The following PLCB1 variants were observed in gnomAD, a reference collection of about 807,000 sequenced individuals.
The protein encoded by PLCB1 is phospholipase C beta 1.
In PLCB1, 46 loss-of-function variants were observed where a neutral mutation model predicts 161.8. That is an observed-to-expected ratio of 0.28 (90% CI 0.22 to 0.36). The LOEUF (loss-of-function observed/expected upper bound fraction) is 0.36. Ranked by LOEUF, PLCB1 falls within the 10% of genes least tolerant of loss-of-function variation. The pLI is 1.00. For synonymous variants in PLCB1, 517 were observed against 503.7 expected (o/e 1.03, Z -0.35); for missense variants, 1,016 against 1,472.5 (o/e 0.69, Z 5.07).
In PLCB1 at chr20:8,482,092, A is replaced by ATTTTTTTTTTTTTTTT. The variant is rs199634903; in HGVS notation, c.246+110657_246+110672dup. Among the ~76,000 whole-genome samples, 30 of 104,882 alleles carry ATTTTTTTTTTTTTTTT rather than the reference A, an allele frequency of 2.9e-4. 2 individuals are homozygous for ATTTTTTTTTTTTTTTT. The highest frequency in any genetic ancestry group is 3.6e-4 in the Non-Finnish European group (20 of 55,020). The allele number at this position is 104,882 out of a possible 152,430, so 68.8% of individuals were successfully genotyped here. ...TTCAATTTATTTTGTGCTTGAAGGA[A>ATTTTTTTTTTTTTTTT]TTTTTTTTTTTTTTTTTTTTTTTTT... On this transcript the variant is annotated intron_variant, in intron 3 of 31. Transcript: ENST00000338037.
At chr20:8,251,024 G>C (rs984051261) in intron 2 of PLCB1, among the ~76,000 whole-genome samples, 4 of 151,968 alleles carry the variant, frequency 2.6e-5, no homozygotes, top group African/African-American at 9.7e-5. Context: ...ATTGCTTACA[G>C]TTCTAGAAGC....
intron 2 of PLCB1, among the ~76,000 whole-genome samples, chr20:8,209,052 G>A (rs2123140573): frequency 6.6e-6 from 1 of 152,226 alleles, no homozygotes; most frequent in East Asian, 1.9e-4. Context: ...TCTTTGAAGA[G>A]GATGATTAAT....
At chr20:8,144,666 C>G (rs1298184493) in intron 1 of PLCB1, among the ~76,000 whole-genome samples, 1 of 152,188 alleles carries the variant, frequency 6.6e-6, no homozygotes, top group African/African-American at 2.4e-5. Flanking sequence ...GGCTGTATTG[C>G]TCATGTTTAG....
At chr20:8,632,003 C>T (rs1600209646) in intron 4 of PLCB1, among the ~76,000 whole-genome samples, 1 of 141,142 alleles carries the variant, frequency 7.1e-6, no homozygotes, top group Non-Finnish European at 1.5e-5. Flanking sequence ...TGAGAAATTA[C>T]TCCTGGAGGA....
At chr20:8,310,258 A>G (rs73895785) in intron 2 of PLCB1, among the ~76,000 whole-genome samples, 4,820 of 152,294 alleles carry the variant, frequency 0.032, 249 homozygotes, top group African/African-American at 0.11. Context: ...TCAGCTTTCT[A>G]ATCAATTTGA....
At chr20:8,833,800 C>T (rs776727673) in intron 31 of PLCB1, among the ~76,000 whole-genome samples, 6 of 152,328 alleles carry the variant, frequency 3.9e-5, no homozygotes, top group African/African-American at 9.6e-5. Flanking sequence ...ACGCTAACAA[C>T]GAATTCTGTT....
intron 2 of PLCB1, among the ~76,000 whole-genome samples, chr20:8,221,668 T>G (rs1003873320): frequency 6.6e-6 from 1 of 152,146 alleles, no homozygotes; most frequent in Non-Finnish European, 1.5e-5. Flanking sequence ...CCCCCATCAA[T>G]AAATAATTCT....
At chr20:8,626,836 A>C (rs1470423070) in intron 3 of PLCB1, among the ~76,000 whole-genome samples, 1 of 152,236 alleles carries the variant, frequency 6.6e-6, no homozygotes, top group Non-Finnish European at 1.5e-5. Context: ...TGATGCAATT[A>C]ATCAATTCAT....
intron 2 of PLCB1, among the ~76,000 whole-genome samples, chr20:8,246,167 T>C (rs1468785405): frequency 6.6e-6 from 1 of 151,962 alleles, no homozygotes; most frequent in Non-Finnish European, 1.5e-5. Context: ...GATAGCTATT[T>C]TTGTGCAAAA....
chr20:8,417,016 T>C (rs1390576530), intron 3 of PLCB1, among the ~76,000 whole-genome samples: 1 of 130,404 alleles, frequency 7.7e-6, no homozygotes, highest in Non-Finnish European at 1.6e-5. Context: ...TTTAAATACA[T>C]ATATGTGTAT....
At chr20:8,577,302 G>T (rs1360718708) in intron 3 of PLCB1, among the ~76,000 whole-genome samples, 2 of 151,478 alleles carry the variant, frequency 1.3e-5, no homozygotes, top group African/African-American at 4.8e-5. Context: ...GCTGGGCGTG[G>T]TGGCGGGCAC....
chr20:8,240,485 A>G (rs1452017174), intron 2 of PLCB1, among the ~76,000 whole-genome samples: 1 of 151,908 alleles, frequency 6.6e-6, no homozygotes, highest in Admixed American at 6.6e-5. Context: ...TGGATGCGCC[A>G]TCATTTTTTT....
intron 2 of PLCB1, among the ~76,000 whole-genome samples, chr20:8,180,450 G>A (rs1249167763): frequency 6.6e-6 from 1 of 152,182 alleles, no homozygotes; most frequent in Non-Finnish European, 1.5e-5. Flanking sequence ...TTTGGTAGCA[G>A]AATGATGCTG....
chr20:8,825,417 A>AT (rs1431124111), intron 31 of PLCB1, among the ~76,000 whole-genome samples: 1 of 152,216 alleles, frequency 6.6e-6, no homozygotes, highest in African/African-American at 2.4e-5. Flanking sequence ...GGTAAATGGT[A>AT]TAAGGTCTGG....
chr20:8,659,290 T>C (rs930304690), intron 9 of PLCB1, among the ~76,000 whole-genome samples: 3 of 152,196 alleles, frequency 2.0e-5, no homozygotes, highest in Non-Finnish European at 2.9e-5. Flanking sequence ...AAGAAATTTA[T>C]ATTTTTGATT....
intron 31 of PLCB1, among the ~76,000 whole-genome samples, chr20:8,863,816 G>A (rs979769853): frequency 1.3e-5 from 2 of 152,012 alleles, no homozygotes; most frequent in African/African-American, 4.8e-5. Flanking sequence ...ACCACACAAA[G>A]TTGGAATCTT....
At chr20:8,682,449 G>A (rs902814429) in intron 9 of PLCB1, among the ~76,000 whole-genome samples, 12 of 152,126 alleles carry the variant, frequency 7.9e-5, no homozygotes, top group Non-Finnish European at 1.0e-4. Flanking sequence ...TTTCTTTTGC[G>A]AAACAGCTCC....
intron 3 of PLCB1, among the ~76,000 whole-genome samples, chr20:8,490,439 A>G (rs1371612503): frequency 3.3e-5 from 5 of 152,232 alleles, no homozygotes; most frequent in Admixed American, 3.3e-4. Flanking sequence ...CTTCTGGTTA[A>G]TAGGGTATTA....
intron 31 of PLCB1, among the ~76,000 whole-genome samples, chr20:8,826,990 C>T (rs1200907728): frequency 2.0e-5 from 3 of 152,186 alleles, no homozygotes; most frequent in African/African-American, 4.8e-5. Context: ...TATCACTTTG[C>T]GTATTTCAGA....
Sources: allele counts gnomAD v4.1 joint callset (sites outside exome capture counted in the v4.1 genomes callset), GRCh38; gene constraint gnomAD v4.1.1; transcripts MANE v1.5; gene names NCBI Gene and HGNC (gene_info 2026-07-23, HGNC 2026-07-21).